The following IQCF3 variants were observed in gnomAD, a reference collection of about 807,000 sequenced individuals.
The protein encoded by IQCF3 is IQ motif containing F3.
Under a neutral mutation model 5.1 loss-of-function variants are expected in IQCF3, and 7 were observed. The ratio of observed to expected loss-of-function variants is 1.36; its 90% CI spans 0.78 to 2.56. IQCF3 has a LOEUF of 2.56. Among genes scored for constraint, IQCF3 ranks in the 30% most tolerant of loss-of-function variants. The probability of loss-of-function intolerance (pLI) is 0.00; values close to 1 mark genes in which losing one functional copy is unlikely to be tolerated. For missense variants in IQCF3, 189 were observed against 196.5 expected (o/e 0.96, Z 0.23); for synonymous variants, 82 against 72.8 (o/e 1.13, Z -0.64).
At chr3:51,827,383 C>T (rs1367247057), upstream of IQCF3, 1 of 151,966 alleles carries the variant, frequency 6.6e-6, no homozygotes, top group Admixed American at 6.5e-5. Context: ...TTCAATATAG[C>T]ATGTTATAGA....
At chr3:51,829,160 G>T, upstream of IQCF3, 1 of 416,486 alleles carries the variant, frequency 2.4e-6, no homozygotes. Flanking sequence ...AGGGGCAATG[G>T]ATTTGAGCAT....
rs1468345507 is a variant in IQCF3 at position 51,830,120 on chromosome 3, T to A, written c.67-283T>A. Among the ~76,000 whole-genome samples, 1 of 152,090 alleles carries A rather than the reference T, an allele frequency of 6.6e-6. No individual in the cohort carries two copies. The highest frequency in any genetic ancestry group is 1.5e-5 in the Non-Finnish European group (1 of 67,990). ...TGGATTCTTATAAGAATCCTTCAGTTCCTCACACCCTGGTCTTCCAGTTGG... is the reference window on the plus strand; with the variant it reads ...TGGATTCTTATAAGAATCCTTCAGTACCTCACACCCTGGTCTTCCAGTTGG... On this transcript the variant is annotated intron_variant, in intron 2 of 2. Transcript: ENST00000440739. This position sits in a 1 kb window ranked among gnomAD's most constrained non-coding sequence, Gnocchi z 4.1.
At chr3:51,827,325 A>G (rs1021751979), upstream of IQCF3, 1 of 152,244 alleles carries the variant, frequency 6.6e-6, no homozygotes, top group Non-Finnish European at 1.5e-5. Context: ...GTAAATCTTC[A>G]CTTCATGAAA....
At chr3:51,829,819 C>T (rs1698341168) in intron 2 of IQCF3, 107 bp downstream of exon 2, 2 of 1,090,356 alleles carry the variant, frequency 1.8e-6, no homozygotes, top group Admixed American at 2.0e-5. Context: ...CTCTTATCCC[C>T]TCAAGCCCTC....
upstream of IQCF3, chr3:51,829,289 A>G: frequency 1.6e-6 from 1 of 631,898 alleles, no homozygotes; most frequent in Non-Finnish European, 2.9e-6. Flanking sequence ...TGCCCAAGGA[A>G]GTCAACAGGA....
chr3:51,829,371 C>T (rs1342079076), upstream of IQCF3: 3 of 1,329,960 alleles, frequency 2.3e-6, no homozygotes, highest in African/African-American at 1.5e-5. Context: ...GTCATAGTTG[C>T]CTTTGTGACA....
upstream of IQCF3, among the ~76,000 whole-genome samples, chr3:51,827,697 G>A (rs1698306528): frequency 6.6e-6 from 1 of 152,136 alleles, no homozygotes; most frequent in South Asian, 2.1e-4. Context: ...GGGTATATGT[G>A]TAGGTTTGTT....
chr3:51,829,821 C>G, intron 2 of IQCF3, 109 bp downstream of exon 2: 1 of 1,065,104 alleles, frequency 9.4e-7, no homozygotes, highest in Non-Finnish European at 1.4e-6. Flanking sequence ...CTTATCCCCT[C>G]AAGCCCTCCC....
In IQCF3 at chr3:51,830,323, G is replaced by C; in HGVS notation, c.67-80G>C. On this transcript the variant is annotated intron_variant, in intron 2 of 2. Transcript: ENST00000440739. The surrounding 1 kb of genome is among the most constrained non-coding windows in gnomAD (Gnocchi z 4.1). ...TCTCCTGGGTCCTCAAAACCAGCAG[G>C]GAGAGGGCTGATTCTTTAGAGAACC... 6.7e-7 allele frequency: 1 copy of C among 1,489,054 alleles called. No homozygotes were observed. The highest frequency in any genetic ancestry group is 9.0e-7 in the Non-Finnish European group (1 of 1,113,222). The allele number at this position is 1,489,054 out of a possible 1,614,324, so 92.2% of individuals were successfully genotyped here.
chr3:51,829,331 T>C, upstream of IQCF3: 1 of 846,948 alleles, frequency 1.2e-6, no homozygotes. Flanking sequence ...TCCATCAACT[T>C]TGAGCCTGGA....
At chr3:51,827,776 T>C (rs973254533), upstream of IQCF3, among the ~76,000 whole-genome samples, 1 of 152,160 alleles carries the variant, frequency 6.6e-6, no homozygotes, top group Admixed American at 6.5e-5. Context: ...CTAAACCTAG[T>C]ACTCAATAGT....
chr3:51,829,336 C>A, upstream of IQCF3: 1 of 888,416 alleles, frequency 1.1e-6, no homozygotes, highest in Non-Finnish European at 1.8e-6. Flanking sequence ...CAACTTTGAG[C>A]CTGGAAAAGG....
rs754727725 is a variant in IQCF3 at position 51,830,588 on chromosome 3, G to C, written c.252G>C (p.Arg84Ser). 9.3e-6 allele frequency: 15 copies of C among 1,613,936 alleles called. No homozygotes were observed. The South Asian group carries it at 1.5e-4, about 17-fold the overall frequency. ...RIRQRRQALL[R>S]VYVIQEQATV... ...GTCAGCGGCGGCAGGCCCTGTTGAGGGTCTACGTCATCCAGGAGCAGGCGA... is the reference window on the plus strand; with the variant it reads ...GTCAGCGGCGGCAGGCCCTGTTGAGCGTCTACGTCATCCAGGAGCAGGCGA... The change falls in exon 3 of 3, where the codon AGG becomes AGC. Residue 84 changes from arginine to serine, a missense_variant. Arg to Ser is a moderately radical substitution (Grantham distance 110). Transcript: ENST00000440739. This position sits in a 1 kb window ranked among gnomAD's most constrained non-coding sequence, Gnocchi z 4.1.
upstream of IQCF3, among the ~76,000 whole-genome samples, chr3:51,827,512 T>C (rs1184157694): frequency 1.3e-5 from 2 of 152,040 alleles, no homozygotes; most frequent in East Asian, 3.8e-4. Context: ...AATTACAATT[T>C]TTATAATTAA....
upstream of IQCF3, chr3:51,829,169 A>G (rs149218474): frequency 6.9e-6 from 3 of 437,042 alleles, no homozygotes; most frequent in East Asian, 1.3e-4. Flanking sequence ...GGATTTGAGC[A>G]TATCAAAAAT....
At chr3:51,829,266 C>G (rs1698331300), upstream of IQCF3, 3 of 596,884 alleles carry the variant, frequency 5.0e-6, no homozygotes, top group East Asian at 8.5e-5. Flanking sequence ...ACAATTTTTC[C>G]TCAACAGAGA....
At chr3:51,827,589 T>G (rs1246056339), upstream of IQCF3, among the ~76,000 whole-genome samples, 1 of 152,058 alleles carries the variant, frequency 6.6e-6, no homozygotes, top group African/African-American at 2.4e-5. Flanking sequence ...TATAATTAAT[T>G]TATCATTGTA....
Position 51,830,004 on chromosome 3 carries a change from C to T in IQCF3, c.66+292C>T, listed in dbSNP as rs1357945116. 4 of 492,448 alleles carry T rather than the reference C, an allele frequency of 8.1e-6. No homozygotes were observed. Among genetic ancestry groups the T allele is most frequent in the African/African-American group, 3.8e-5 (2 of 52,274 alleles). 30.5% of individuals were successfully genotyped at this position (492,448 alleles called of 1,614,324 possible). A position where few individuals can be genotyped will look rare whatever the true frequency, so the allele number is the denominator to read the frequency against. ...CCACAAAAGTGAGATGAGGGGAGAC[C>T]CCAAAGGGCTGCAGCACCACGCAAG... On this transcript the variant is annotated intron_variant, in intron 2 of 2. Transcript: ENST00000440739. This position sits in a 1 kb window ranked among gnomAD's most constrained non-coding sequence, Gnocchi z 4.1.
upstream of IQCF3, chr3:51,829,135 A>C (rs545094877): frequency 3.4e-6 from 1 of 293,654 alleles, no homozygotes; most frequent in East Asian, 7.1e-5. Flanking sequence ...GAAAACTACA[A>C]AAGCAGAATT....
Sources: allele counts gnomAD v4.1 joint callset (sites outside exome capture counted in the v4.1 genomes callset), GRCh38; gene constraint gnomAD v4.1.1; non-coding constraint Gnocchi (gnomAD v3.1); transcripts MANE v1.5; gene names NCBI Gene and HGNC (gene_info 2026-07-23, HGNC 2026-07-21).